Variants in GPC6 observed in about 807,000 individuals in gnomAD.
GPC6 encodes the protein glypican 6, also known as glypican-6.
A neutral mutation model predicts 55.2 loss-of-function variants in GPC6; 14 were observed. That is an observed-to-expected ratio of 0.25 (90% CI 0.17 to 0.40). The LOEUF (loss-of-function observed/expected upper bound fraction) is 0.40. Ranked by LOEUF, GPC6 falls within the 10% of genes least tolerant of loss-of-function variation. GPC6 has a pLI of 1.00. For missense variants in GPC6, 641 were observed against 708.5 expected, an observed-to-expected ratio of 0.90 and a Z score of 1.08; for synonymous variants, 278 against 259.6, an observed-to-expected ratio of 1.07 and a Z score of -0.68.
chr13:93,502,422 T>A (rs1461192245), intron 1 of GPC6, among the ~76,000 whole-genome samples: 1 of 152,132 alleles, frequency 6.6e-6, no homozygotes, highest in Non-Finnish European at 1.5e-5. Flanking sequence ...TGTTCTTCAA[T>A]TTTTGCCAAA....
At chr13:94,022,454 C>T (rs1882733274) in intron 3 of GPC6, among the ~76,000 whole-genome samples, 1 of 151,928 alleles carries the variant, frequency 6.6e-6, no homozygotes, top group Non-Finnish European at 1.5e-5. Flanking sequence ...TTTTATTGTG[C>T]ATATATACCA....
chr13:93,726,429 C>T (rs868403091), intron 2 of GPC6, among the ~76,000 whole-genome samples: 1 of 152,018 alleles, frequency 6.6e-6, no homozygotes, highest in African/African-American at 2.4e-5. Context: ...AAAGTTCATC[C>T]AAACAGTTTT....
At chr13:94,293,919 G>A (rs369532475) in intron 5 of GPC6, among the ~76,000 whole-genome samples, 5 of 152,130 alleles carry the variant, frequency 3.3e-5, no homozygotes, top group Admixed American at 1.3e-4. Flanking sequence ...TACCCACAGC[G>A]TACTATATAT....
intron 1 of GPC6, among the ~76,000 whole-genome samples, chr13:93,228,592 G>C (rs1228508699): frequency 6.6e-6 from 1 of 152,176 alleles, no homozygotes; most frequent in Non-Finnish European, 1.5e-5. Flanking sequence ...CCGAATCCGA[G>C]CTTCTCTGGG....
At chr13:94,317,780 T>A (rs1348571163) in intron 6 of GPC6, among the ~76,000 whole-genome samples, 2 of 152,192 alleles carry the variant, frequency 1.3e-5, no homozygotes, top group South Asian at 4.1e-4. Flanking sequence ...TTAGGAATTT[T>A]TTTAAGAAGC....
chr13:94,140,414 G>A (rs1887332448), intron 4 of GPC6, among the ~76,000 whole-genome samples: 1 of 152,174 alleles, frequency 6.6e-6, no homozygotes, highest in Non-Finnish European at 1.5e-5. Context: ...AATATGTTTA[G>A]AATTGGAACC....
chr13:93,764,476 A>G (rs192026466), intron 2 of GPC6, among the ~76,000 whole-genome samples: 49 of 152,248 alleles, frequency 3.2e-4, no homozygotes, highest in Non-Finnish European at 6.0e-4. Context: ...GAATAAATTA[A>G]TTAGTGCCAC....
chr13:93,389,189 T>A (rs1875518845), intron 1 of GPC6, among the ~76,000 whole-genome samples: 1 of 152,122 alleles, frequency 6.6e-6, no homozygotes, highest in African/African-American at 2.4e-5. Flanking sequence ...CTGCTAGAAA[T>A]ACTCGTGACT....
chr13:94,286,334 C>T lies in GPC6; in HGVS notation c.878-15C>T. On this transcript the variant is annotated splice_polypyrimidine_tract_variant and intron_variant, in intron 4 of 8. Coordinates refer to ENST00000377047, the MANE Select transcript of GPC6 (RefSeq NM_005708.5). ...TCCCAGTTTGCAAATAAATCATGTT[C>T]CTGTATTTTAACAGATGCAATGCTC... 6.2e-7 allele frequency: 1 copy of T among 1,613,362 alleles called. No homozygotes were observed.
intron 3 of GPC6, among the ~76,000 whole-genome samples, chr13:93,834,687 A>G (rs1040527040): frequency 7.2e-5 from 11 of 152,168 alleles, no homozygotes; most frequent in Admixed American, 4.6e-4. Flanking sequence ...ACCATTTTCC[A>G]TCTCTGTTTC....
At chr13:93,941,046 C>T (rs957220887) in intron 3 of GPC6, among the ~76,000 whole-genome samples, 1 of 152,084 alleles carries the variant, frequency 6.6e-6, no homozygotes, top group Admixed American at 6.5e-5. Flanking sequence ...AATTTCCTTT[C>T]CTTCTCATAA....
intron 1 of GPC6, among the ~76,000 whole-genome samples, chr13:93,535,394 C>G (rs1415308210): frequency 2.6e-5 from 4 of 152,114 alleles, no homozygotes; most frequent in African/African-American, 7.2e-5. Context: ...ATTCTTCATA[C>G]AGCAAAGTAG....
At chr13:94,248,316 C>T (rs1173652492) in intron 4 of GPC6, among the ~76,000 whole-genome samples, 1 of 152,002 alleles carries the variant, frequency 6.6e-6, no homozygotes, top group Non-Finnish European at 1.5e-5. Context: ...ATGAATGCTT[C>T]CAAATTTGGT....
At chr13:93,298,796 A>AT (rs1594081378) in intron 1 of GPC6, among the ~76,000 whole-genome samples, 1 of 150,192 alleles carries the variant, frequency 6.7e-6, no homozygotes. Flanking sequence ...CCTGACGTGG[A>AT]TTTTCTCTCT....
At chr13:94,324,999 G>GTTA (rs1408651522) in intron 6 of GPC6, among the ~76,000 whole-genome samples, 1 of 152,094 alleles carries the variant, frequency 6.6e-6, no homozygotes, top group East Asian at 1.9e-4. Context: ...GAATCCTCGT[G>GTTA]GTGTCTGTGA....
At chr13:94,328,897 G>A (rs553808031) in intron 6 of GPC6, among the ~76,000 whole-genome samples, 2 of 152,316 alleles carry the variant, frequency 1.3e-5, no homozygotes, top group Non-Finnish European at 2.9e-5. Context: ...GGGGTGAACT[G>A]CAGAGGCCCT....
At chr13:93,906,363 A>C (rs753415097) in intron 3 of GPC6, among the ~76,000 whole-genome samples, 3 of 152,134 alleles carry the variant, frequency 2.0e-5, no homozygotes, top group Non-Finnish European at 4.4e-5. Flanking sequence ...CAAAAGGTTC[A>C]CTGCATATAC....
chr13:93,457,420 C>T (rs1005847135), intron 1 of GPC6, among the ~76,000 whole-genome samples: 5 of 152,144 alleles, frequency 3.3e-5, no homozygotes, highest in African/African-American at 1.2e-4. Context: ...AGACAAAATT[C>T]AACCCTCAAC....
At chr13:94,385,093 A>G (rs1169878016) in intron 7 of GPC6, among the ~76,000 whole-genome samples, 1 of 152,196 alleles carries the variant, frequency 6.6e-6, no homozygotes, top group Middle Eastern at 3.2e-3. Context: ...TACAAAAATT[A>G]GCTGGGTGTG....
Sources: allele counts gnomAD v4.1 joint callset (sites outside exome capture counted in the v4.1 genomes callset), GRCh38; gene constraint gnomAD v4.1.1; transcripts MANE v1.5; gene names NCBI Gene and HGNC (gene_info 2026-07-23, HGNC 2026-07-21).